The following PPP1R9A variants were observed in gnomAD, a reference collection of about 807,000 sequenced individuals.
PPP1R9A encodes the protein neurabin-1.
In PPP1R9A, 59 loss-of-function variants were observed where a neutral mutation model predicts 141.9. The observed-to-expected ratio is 0.42, with a 90% confidence interval of 0.34 to 0.52. The LOEUF (loss-of-function observed/expected upper bound fraction) is 0.52, where lower values mean the gene tolerates loss of function less well. Ranked by LOEUF, PPP1R9A falls within the 20% of genes least tolerant of loss-of-function variation. PPP1R9A has a pLI of 0.10. For synonymous variants in PPP1R9A, 500 were observed against 569.7 expected, an observed-to-expected ratio of 0.88 and a Z score of 1.74; for missense variants, 1,444 against 1,611.9, an observed-to-expected ratio of 0.90 and a Z score of 1.78.
At chr7:95,170,498 A>T (rs903834300) in intron 5 of PPP1R9A, among the ~76,000 whole-genome samples, 5 of 151,716 alleles carry the variant, frequency 3.3e-5, no homozygotes, top group African/African-American at 1.2e-4. Context: ...TTCTGAGAAG[A>T]AAGGCATATT....
chr7:95,225,476 CAG>C (rs1257193905), intron 7 of PPP1R9A, among the ~76,000 whole-genome samples: 1 of 152,090 alleles, frequency 6.6e-6, no homozygotes, highest in Admixed American at 6.6e-5. Flanking sequence ...GCAAACAAAA[CAG>C]AACTGTTTGA....
chr7:95,113,264 A>C (rs1432866483), intron 3 of PPP1R9A, among the ~76,000 whole-genome samples: 3 of 152,190 alleles, frequency 2.0e-5, no homozygotes, highest in Non-Finnish European at 4.4e-5. Flanking sequence ...AAATCCAAGA[A>C]AAATCATGAA....
At chr7:95,143,100 T>C (rs1826991339) in intron 4 of PPP1R9A, among the ~76,000 whole-genome samples, 1 of 152,150 alleles carries the variant, frequency 6.6e-6, no homozygotes, top group Non-Finnish European at 1.5e-5. Context: ...TGAATTTGAT[T>C]TAGCACATTA....
At chr7:95,072,298 TTAA>T (rs916923413) in intron 2 of PPP1R9A, among the ~76,000 whole-genome samples, 74 of 144,856 alleles carry the variant, frequency 5.1e-4, no homozygotes, top group African/African-American at 1.6e-3. Flanking sequence ...ATTATAAAAA[TTAA>T]TAATATTGTA....
chr7:95,073,056 G>T (rs551933067), intron 2 of PPP1R9A, among the ~76,000 whole-genome samples: 36 of 146,000 alleles, frequency 2.5e-4, no homozygotes, highest in Non-Finnish European at 5.1e-4. Flanking sequence ...TGCAATCTTG[G>T]CTCACTGTGA....
chr7:95,225,041 G>T (rs1321499081), intron 7 of PPP1R9A, among the ~76,000 whole-genome samples: 3 of 152,032 alleles, frequency 2.0e-5, no homozygotes, highest in Non-Finnish European at 4.4e-5. Flanking sequence ...TGCCAGGAGA[G>T]GATCTACTTT....
At chr7:95,186,814 A>G (rs1057079881) in intron 5 of PPP1R9A, among the ~76,000 whole-genome samples, 5 of 152,098 alleles carry the variant, frequency 3.3e-5, no homozygotes, top group Non-Finnish European at 7.4e-5. Context: ...TGTCTCATTT[A>G]TTGACTTGTA....
intron 12 of PPP1R9A, among the ~76,000 whole-genome samples, chr7:95,260,620 A>G (rs746034000): frequency 5.9e-5 from 9 of 151,426 alleles, no homozygotes; most frequent in African/African-American, 2.4e-5. Flanking sequence ...CGGAGGTTGC[A>G]GTGAACCAAG....
At chr7:94,943,586 A>C (rs1795569232) in intron 2 of PPP1R9A, among the ~76,000 whole-genome samples, 1 of 150,388 alleles carries the variant, frequency 6.6e-6, no homozygotes, top group South Asian at 2.2e-4. Context: ...AGCTGTCTAA[A>C]AGGAGAGGTC....
intron 1 of PPP1R9A, among the ~76,000 whole-genome samples, chr7:94,909,406 C>T (rs890978229): frequency 6.6e-6 from 1 of 152,062 alleles, no homozygotes; most frequent in African/African-American, 2.4e-5. Context: ...TAAAATATGC[C>T]GCTGTAGGCA....
chr7:95,046,527 T>C (rs1810037882), intron 2 of PPP1R9A, among the ~76,000 whole-genome samples: 1 of 152,250 alleles, frequency 6.6e-6, no homozygotes, highest in Non-Finnish European at 1.5e-5. Flanking sequence ...GAATATCATA[T>C]GAAACTCTTA....
chr7:94,995,268 A>G (rs1447216097), intron 2 of PPP1R9A, among the ~76,000 whole-genome samples: 1 of 151,880 alleles, frequency 6.6e-6, no homozygotes, highest in Admixed American at 6.6e-5. Flanking sequence ...TTTGGTTATG[A>G]TATGCCTTGG....
Position 95,202,173 on chromosome 7 carries a change from A to G in PPP1R9A, c.1891-1492A>G, listed in dbSNP as rs114679956. Among the ~76,000 whole-genome samples, 733 of 152,316 alleles carry G rather than the reference A, an allele frequency of 4.8e-3. 5 individuals are homozygous for G. Among genetic ancestry groups the G allele is most frequent in the African/African-American group, 0.017 (691 of 41,574 alleles). Reference sequence around the variant, plus strand: ...ACATATCTGTTTCAATGCTTTAGGAAATTATAAGTCATACTCTAGTAGAAT... The same window carrying G: ...ACATATCTGTTTCAATGCTTTAGGAGATTATAAGTCATACTCTAGTAGAAT... On this transcript the variant is annotated intron_variant, in intron 6 of 19. Transcript: ENST00000433360.
chr7:95,264,696 T>A (rs1800985358), intron 12 of PPP1R9A, among the ~76,000 whole-genome samples: 1 of 152,202 alleles, frequency 6.6e-6, no homozygotes, highest in Non-Finnish European at 1.5e-5. Context: ...TATTTATCTG[T>A]CTGTATTTAT....
At chr7:95,213,984 T>G (rs952545738) in intron 7 of PPP1R9A, among the ~76,000 whole-genome samples, 1 of 152,174 alleles carries the variant, frequency 6.6e-6, no homozygotes, top group African/African-American at 2.4e-5. Context: ...TCCCTTCCAG[T>G]TTCCACTCAC....
At chr7:95,283,115 T>A (rs1804589294) in intron 16 of PPP1R9A, among the ~76,000 whole-genome samples, 3 of 152,194 alleles carry the variant, frequency 2.0e-5, no homozygotes. Context: ...TCTTCCAAGA[T>A]GCACATAAAC....
At chr7:95,141,609 A>AAT (rs1340397568) in intron 4 of PPP1R9A, among the ~76,000 whole-genome samples, 1 of 149,930 alleles carries the variant, frequency 6.7e-6, no homozygotes, top group Non-Finnish European at 1.5e-5. Flanking sequence ...ATGTAAATGG[A>AAT]ATACAGTATG....
chr7:95,218,157 G>A (rs1255264006), intron 7 of PPP1R9A, among the ~76,000 whole-genome samples: 1 of 152,154 alleles, frequency 6.6e-6, no homozygotes, highest in Non-Finnish European at 1.5e-5. Context: ...CAGAGATTCT[G>A]GTATGTAGTG....
intron 2 of PPP1R9A, among the ~76,000 whole-genome samples, chr7:95,097,591 C>T (rs1055472276): frequency 3.9e-5 from 6 of 152,108 alleles, no homozygotes; most frequent in Admixed American, 1.3e-4. Context: ...TATGTGTATA[C>T]GTATGTGTAT....
Sources: gnomAD v4.1 joint callset for allele counts (sites outside exome capture counted in the v4.1 genomes callset) on GRCh38, gnomAD v4.1.1 for gene constraint, MANE v1.5 for transcripts, NCBI Gene and HGNC (gene_info 2026-07-23, HGNC 2026-07-21) for gene names.